Variants in PCYT1A observed in about 807,000 individuals in gnomAD.
PCYT1A encodes phosphate cytidylyltransferase 1A, choline.
PCYT1A carries 25 observed loss-of-function variants against 43.7 expected under a neutral mutation model. The observed-to-expected ratio is 0.57, with a 90% CI of 0.42 to 0.80. PCYT1A has a LOEUF of 0.80. Ranked by LOEUF, PCYT1A falls within the 30% of genes least tolerant of loss-of-function variation. The pLI, the probability that PCYT1A is intolerant of heterozygous loss-of-function variation, is 0.00. For missense variants in PCYT1A, 421 were observed against 474.2 expected (o/e 0.89, Z 1.04); for synonymous variants, 172 against 170.7 (o/e 1.01, Z -0.06).
chr3:196,276,590 G>A (rs1725597495), intron 1 of PCYT1A, among the ~76,000 whole-genome samples: 1 of 150,056 alleles, frequency 6.7e-6, no homozygotes, highest in Non-Finnish European at 1.5e-5. Context: ...GCAACAGAGT[G>A]AGACTCCGTC....
At chr3:196,241,543 T>C in intron 7 of PCYT1A, 7 of 1,293,432 alleles carry the variant, frequency 5.4e-6, no homozygotes, top group Non-Finnish European at 7.1e-6. Flanking sequence ...TCAATCCAAA[T>C]TTAAAACTCA....
In PCYT1A at chr3:196,252,695, T is replaced by C. The variant is rs1229823999; in HGVS notation, c.218-4372A>G. ...AGCTTTCCAACCAGCTTTCTTCCTC[T>C]GTAACCTTAACTTCCTTATGCCTCA... On this transcript the variant is annotated intron_variant, in intron 3 of 8. Transcript: ENST00000431016. The surrounding 1 kb of genome is among the most constrained non-coding windows in gnomAD (Gnocchi z 4.0). 9.2e-5 allele frequency among the ~76,000 whole-genome samples: 14 copies of C among 152,250 alleles called. No individual in the cohort carries two copies. The highest frequency in any genetic ancestry group is 9.2e-4 in the Admixed American group (14 of 15,288).
intron 1 of PCYT1A, among the ~76,000 whole-genome samples, chr3:196,284,399 A>T (rs1465544220): frequency 1.3e-5 from 2 of 152,214 alleles, no homozygotes; most frequent in Non-Finnish European, 2.9e-5. Flanking sequence ...ATGAAATTAC[A>T]TACAAAATTT....
In PCYT1A at chr3:196,239,572, T is replaced by C; in HGVS notation, c.872A>G (p.Glu291Gly). Residue 291 changes from glutamate to glycine, a missense_variant, in exon 8 of 9, where the codon GAA becomes GGA. Around this residue, in one of 3 missense-constraint regions of PCYT1A, gnomAD observed 174 missense variants for 270.7 expected, o/e 0.64. Transcript: ENST00000431016. ...KSREFIGSFL[E>G]MFGPEGALKH... Reference sequence around the variant, plus strand: ...CAGTGCTCCTTCCGGACCAAACATTTCCAGAAAACTTCCAATGAATTCTCG... The same window carrying C: ...CAGTGCTCCTTCCGGACCAAACATTCCCAGAAAACTTCCAATGAATTCTCG... 1.2e-6 allele frequency: 2 copies of C among 1,612,820 alleles called. No homozygotes were observed. Among genetic ancestry groups the C allele is most frequent in the Non-Finnish European group, 1.7e-6 (2 of 1,178,814 alleles).
intron 8 of PCYT1A, 26 bp from the exon 9 acceptor site, chr3:196,238,920 G>A: frequency 1.5e-6 from 2 of 1,327,430 alleles, no homozygotes; most frequent in Non-Finnish European, 2.0e-6. Flanking sequence ...GGAAGAGTCA[G>A]AAAAACACCG....
At position 196,273,723 on chromosome 3, in the gene PCYT1A, G is replaced by T. The variant is rs912777784; in HGVS notation, c.-10-3182C>A. Among the ~76,000 whole-genome samples, 4 of 152,322 alleles carry T rather than the reference G, an allele frequency of 2.6e-5. No homozygotes were observed. In the South Asian group the frequency reaches 8.3e-4, roughly 32 times the overall value. On this transcript the variant is annotated intron_variant, in intron 1 of 8. Coordinates refer to ENST00000431016, the MANE Select transcript of PCYT1A (RefSeq NM_001312673.2). The surrounding 1 kb of genome is among the most constrained non-coding windows in gnomAD (Gnocchi z 4.1). ...GAGTCCAGGGTTTCTACGGGCTTCA[G>T]CGGGCAGGAAGTGCATGCTGATTGG...
intron 1 of PCYT1A, among the ~76,000 whole-genome samples, chr3:196,270,791 C>G (rs1042887679): frequency 6.6e-6 from 1 of 152,176 alleles, no homozygotes; most frequent in Non-Finnish European, 1.5e-5. Context: ...GGAAGTCATT[C>G]CCCCTCACAG....
chr3:196,239,438 G>A (rs945832082), intron 8 of PCYT1A, 109 bp downstream of exon 8: 3 of 662,424 alleles, frequency 4.5e-6, no homozygotes, highest in African/African-American at 3.6e-5. Flanking sequence ...CCCAGATAAG[G>A]GGATAGACTA....
intron 3 of PCYT1A, among the ~76,000 whole-genome samples, chr3:196,255,167 C>T (rs1233617976): frequency 6.6e-6 from 1 of 152,182 alleles, no homozygotes; most frequent in Non-Finnish European, 1.5e-5. Context: ...TAACATAAAA[C>T]AGTCAGACAA....
intron 5 of PCYT1A, chr3:196,243,302 T>A (rs1724419786): frequency 6.6e-6 from 1 of 150,908 alleles, no homozygotes; most frequent in Admixed American, 6.6e-5. Context: ...CACTCCAGCC[T>A]GGGTGACAAA....
chr3:196,242,289 T>TA lies in PCYT1A; in HGVS notation c.566-200dup, dbSNP rs534560669. 9.3e-5 allele frequency: 60 copies of TA among 645,422 alleles called. No individual in the cohort carries two copies. Among genetic ancestry groups the TA allele is most frequent in the Non-Finnish European group, 1.5e-4 (55 of 364,660 alleles). The allele number at this position is 645,422 out of a possible 1,614,324, so 40.0% of individuals were successfully genotyped here. A position where few individuals can be genotyped will look rare whatever the true frequency, so the allele number is the denominator to read the frequency against. On this transcript the variant is annotated intron_variant, in intron 6 of 8. Transcript: ENST00000431016. The surrounding 1 kb of genome is among the most constrained non-coding windows in gnomAD (Gnocchi z 4.2). ...AGAGGTAAGGCAAAGAAGAGTTACA[T>TA]AGCCCTAATATTAAGAAAAATATGA...
intron 2 of PCYT1A, among the ~76,000 whole-genome samples, chr3:196,262,365 G>C (rs988900370): frequency 1.3e-5 from 2 of 152,138 alleles, no homozygotes; most frequent in African/African-American, 2.4e-5. Flanking sequence ...ATTAAACAAA[G>C]TAGCATCCGC....
chr3:196,287,529 T>TA (rs1472789144), intron 1 of PCYT1A, 86 bp downstream of exon 1: 3 of 152,790 alleles, frequency 2.0e-5, no homozygotes, highest in East Asian at 1.9e-4. Flanking sequence ...CGCTGTCACT[T>TA]ACCACTCTTC....
chr3:196,278,107 G>C (rs1725644950), intron 1 of PCYT1A, among the ~76,000 whole-genome samples: 1 of 152,212 alleles, frequency 6.6e-6, no homozygotes, highest in Non-Finnish European at 1.5e-5. Context: ...TACTGAGAAA[G>C]TGTAGAGAAA....
At chr3:196,270,642 C>A in intron 1 of PCYT1A, 101 bp from the exon 2 acceptor site, 1 of 806,898 alleles carries the variant, frequency 1.2e-6, no homozygotes, top group Non-Finnish European at 2.2e-6. Context: ...CAGCAAAATA[C>A]CAATTCTACA....
intron 5 of PCYT1A, among the ~76,000 whole-genome samples, chr3:196,245,704 G>A (rs1724542518): frequency 6.6e-6 from 1 of 152,074 alleles, no homozygotes; most frequent in Admixed American, 6.6e-5. Context: ...AGGCAGCAAA[G>A]TAAAGAATAG....
rs1267102853 is a variant in PCYT1A, at chr3:196,268,377, G to A, written c.117+2038C>T. ...GAAACTAACAATGCCCTGTTTTGTT[G>A]ATTGCTGAGTCACTTTCTGAGCTTA... On this transcript the variant is annotated intron_variant, in intron 2 of 8. Transcript: ENST00000431016. The surrounding 1 kb of genome is among the most constrained non-coding windows in gnomAD (Gnocchi z 4.4). 6.6e-6 allele frequency among the ~76,000 whole-genome samples: 1 copy of A among 152,106 alleles called. No individual in the cohort carries two copies. Among genetic ancestry groups the A allele is most frequent in the Non-Finnish European group, 1.5e-5 (1 of 68,018 alleles).
chr3:196,287,630 CCCCGAGCCCGGTCCGGT>C lies in PCYT1A; in HGVS notation c.-43_-27del, dbSNP rs1725951614. 1 of 152,274 alleles carries C rather than the reference CCCCGAGCCCGGTCCGGT, an allele frequency of 6.6e-6. No homozygotes were observed. The highest frequency in any genetic ancestry group is 1.5e-5 in the Non-Finnish European group (1 of 68,132). 9.4% of individuals were successfully genotyped at this position (152,274 alleles called of 1,614,324 possible). On this transcript the variant is annotated 5_prime_UTR_variant, in exon 1 of 9. Coordinates refer to ENST00000431016, the MANE Select transcript of PCYT1A (RefSeq NM_001312673.2). Reference sequence around the variant, plus strand: ...AGGCACACACCTGCAACTCACGCTCCCCCGAGCCCGGTCCGGTCGGATTTCTGGCCGGCGCCGCGTCA... The same window carrying C: ...AGGCACACACCTGCAACTCACGCTCCCGGATTTCTGGCCGGCGCCGCGTCA...
At chr3:196,250,009 CG>C (rs1724699872) in intron 3 of PCYT1A, among the ~76,000 whole-genome samples, 1 of 104,060 alleles carries the variant, frequency 9.6e-6, no homozygotes, top group African/African-American at 3.3e-5. Flanking sequence ...TACACCATGC[CG>C]AGGCTGAGGA....
Sources: gnomAD v4.1 joint callset for allele counts (sites outside exome capture counted in the v4.1 genomes callset) on GRCh38, gnomAD v4.1.1 for gene constraint, gnomAD v4.1.1 regional missense constraint, Gnocchi (gnomAD v3.1) non-coding constraint, MANE v1.5 for transcripts, NCBI Gene and HGNC (gene_info 2026-07-23, HGNC 2026-07-21) for gene names.